HSPA12A: variants seen among roughly 807,000 people sequenced by gnomAD.
HSPA12A encodes the protein heat shock protein family A (Hsp70) member 12A.
HSPA12A carries 28 observed loss-of-function variants against 69.2 expected under a neutral mutation model. The observed-to-expected ratio is 0.40, with a 90% confidence interval of 0.30 to 0.55. The LOEUF is 0.55. HSPA12A is among the 20% of genes least tolerant of loss of function. The probability of loss-of-function intolerance (pLI) is 0.38; values close to 1 mark genes in which losing one functional copy is unlikely to be tolerated. For missense variants in HSPA12A, 686 were observed against 900.7 expected (o/e 0.76, Z 3.05); for synonymous variants, 345 against 370.5 (o/e 0.93, Z 0.79).
At chr10:116,784,895 C>T (rs7076899) in intron 2 of HSPA12A, among the ~76,000 whole-genome samples, 2,978 of 152,288 alleles carry the variant, frequency 0.02, 85 homozygotes, top group African/African-American at 0.066. Flanking sequence ...ATGCTGAGGG[C>T]ACGTGTCTAC....
chr10:116,805,323 C>A (rs1171468123), intron 2 of HSPA12A, among the ~76,000 whole-genome samples: 1 of 152,048 alleles, frequency 6.6e-6, no homozygotes, highest in South Asian at 2.1e-4. Context: ...CGCAAAAAAA[C>A]AAAAACTGCA....
intron 1 of HSPA12A, among the ~76,000 whole-genome samples, chr10:116,838,471 C>G (rs1454594955): frequency 2.0e-5 from 3 of 152,174 alleles, no homozygotes; most frequent in Non-Finnish European, 1.5e-5. Flanking sequence ...AAGCCAAACA[C>G]ACACATCATC....
At chr10:116,740,637 CGTGTGTGTGTGTGT>C (rs60427815) in intron 1 of HSPA12A, among the ~76,000 whole-genome samples, 3 of 137,680 alleles carry the variant, frequency 2.2e-5, no homozygotes, top group Admixed American at 7.2e-5. Flanking sequence ...CTCCCAGCAC[CGTGTGTGTGTGTGT>C]GTGTGTGTGT....
intron 2 of HSPA12A, among the ~76,000 whole-genome samples, chr10:116,768,761 T>C (rs559725021): frequency 6.6e-5 from 10 of 152,256 alleles, no homozygotes; most frequent in African/African-American, 2.4e-4. Flanking sequence ...CACCTCAGCC[T>C]CCCTAAGTGC....
rs57430307 is a variant in HSPA12A at position 116,787,016 on chromosome 10, ACG to A, written c.91+47917_91+47918del. Among the ~76,000 whole-genome samples, 427 of 150,886 alleles carry A rather than the reference ACG, an allele frequency of 2.8e-3. 3 individuals are homozygous for A. The highest frequency in any genetic ancestry group is 9.2e-3 in the African/African-American group (379 of 41,012). ...CACACACACACACACACATACACACACGCACGCACTCACACACACACGGTCAG... is the reference window on the plus strand; with the variant it reads ...CACACACACACACACACATACACACACACGCACTCACACACACACGGTCAG... On this transcript the variant is annotated intron_variant, in intron 2 of 12. Transcript: ENST00000635765.
At chr10:116,829,702 G>A (rs1315760707) in intron 2 of HSPA12A, 1 of 152,138 alleles carries the variant, frequency 6.6e-6, no homozygotes, top group Non-Finnish European at 1.5e-5. Context: ...AAATAAATGT[G>A]ACTCACTCAA....
intron 2 of HSPA12A, 31 bp downstream of exon 2, chr10:116,707,151 GCGCACACACACACACACA>G (rs1850279211): frequency 2.8e-5 from 29 of 1,018,742 alleles, no homozygotes; most frequent in East Asian, 4.5e-5. Flanking sequence ...GCACCCATGC[GCGCACACACACACACACA>G]CACACACACA....
In HSPA12A at chr10:116,686,882, CT is replaced by C. The variant is rs1247523103; in HGVS notation, c.664-2921del. On this transcript the variant is annotated intron_variant, in intron 6 of 11. Coordinates refer to ENST00000369209, the MANE Select transcript of HSPA12A (RefSeq NM_025015.3). The surrounding 1 kb of genome is among the most constrained non-coding windows in gnomAD (Gnocchi z 4.1). ...TCTTCCCACACCATAAGCTCCGCCC[CT>C]CATCCCTCTTCCCACACTGTAAGCT... 6.6e-6 allele frequency among the ~76,000 whole-genome samples: 1 copy of C among 152,018 alleles called. No individual in the cohort carries two copies. The highest frequency in any genetic ancestry group is 1.5e-5 in the Non-Finnish European group (1 of 68,002).
chr10:116,837,485 T>A lies in HSPA12A; in HGVS notation c.4-2463A>T, dbSNP rs1457421112. Among the ~76,000 whole-genome samples the A allele has an allele frequency of 2.6e-5, 4 of 152,114 alleles. No homozygotes were observed. In the East Asian group the frequency reaches 7.7e-4, roughly 29 times the overall value. On this transcript the variant is annotated intron_variant, in intron 1 of 12. Coordinates refer to the HSPA12A transcript ENST00000635765. ...TTATAAAAAGGCAAAAACATCTGCCTACTTACTGACAAAGAGCACAGAGAA... is the reference window on the plus strand; with the variant it reads ...TTATAAAAAGGCAAAAACATCTGCCAACTTACTGACAAAGAGCACAGAGAA...
At position 116,675,201 on chromosome 10, in the gene HSPA12A, G is replaced by A; in HGVS notation, c.1608C>T (p.Thr536=). The change falls in exon 12 of 12, where the codon ACC becomes ACT. Residue 536 remains threonine (T), a synonymous_variant. Coordinates refer to ENST00000369209, the MANE Select transcript of HSPA12A (RefSeq NM_025015.3). This position sits in a 1 kb window ranked among gnomAD's most constrained non-coding sequence, Gnocchi z 5.2. ...AVIKVRRSPL[T]YGVGVLNRYV... Reference sequence around the variant, plus strand: ...AGCGGTTCAGCACGCCTACCCCGTAGGTGAGCGGCGACCGGCGCACCTTGA... The same window carrying A: ...AGCGGTTCAGCACGCCTACCCCGTAAGTGAGCGGCGACCGGCGCACCTTGA... The A allele has an allele frequency of 1.2e-6, 2 of 1,613,750 alleles. No individual in the cohort carries two copies. The highest frequency in any genetic ancestry group is 8.5e-7 in the Non-Finnish European group (1 of 1,180,026).
At chr10:116,846,779 T>C (rs898120736) in intron 1 of HSPA12A, among the ~76,000 whole-genome samples, 1 of 152,188 alleles carries the variant, frequency 6.6e-6, no homozygotes, top group Non-Finnish European at 1.5e-5. Context: ...ACAATTAACA[T>C]GCTGATGTAT....
rs782273701 is a variant in HSPA12A, at chr10:116,675,138, C to T, written c.1671G>A (p.Val557=). Reference sequence around the variant, plus strand: ...CGGTGCACCACCGAGTGCCATCCTTCACCAGCAGCTTCTCAGGCGGGTGCT... The same window carrying T: ...CGGTGCACCACCGAGTGCCATCCTTTACCAGCAGCTTCTCAGGCGGGTGCT... ...EGKHPPEKLL[V]KDGTRWCTDV... Residue 557 remains valine, a synonymous_variant, in exon 12 of 12, where the codon GTG becomes GTA. Transcript: ENST00000369209. The surrounding 1 kb of genome is among the most constrained non-coding windows in gnomAD (Gnocchi z 5.2). The T allele has an allele frequency of 1.9e-6, 3 of 1,613,952 alleles. No individual in the cohort carries two copies. Among genetic ancestry groups the T allele is most frequent in the Non-Finnish European group, 1.7e-6 (2 of 1,180,052 alleles).
At chr10:116,772,877 T>C (rs1294107521) in intron 2 of HSPA12A, among the ~76,000 whole-genome samples, 9 of 151,924 alleles carry the variant, frequency 5.9e-5, no homozygotes, top group Admixed American at 2.6e-4. Context: ...ATTATTATTA[T>C]TATTTGTAAA....
At chr10:116,845,278 G>A (rs542236393) in intron 1 of HSPA12A, among the ~76,000 whole-genome samples, 3 of 152,250 alleles carry the variant, frequency 2.0e-5, no homozygotes, top group African/African-American at 7.2e-5. Flanking sequence ...CATTGAGGGA[G>A]GGGCTGAATT....
chr10:116,750,310 T>G, intron 2 of HSPA12A: 2 of 774,108 alleles, frequency 2.6e-6, no homozygotes, highest in Non-Finnish European at 4.6e-6. Context: ...GCACTTATGG[T>G]CAGCCTGGTG....
rs375255169 is a variant in HSPA12A at position 116,675,052 on chromosome 10, C to T, written c.1757G>A (p.Arg586His). ...QSVALGELVK[R>H]SYTPAKPSQL... ...GGAGGGCTTGGCCGGGGTGTAGCTA[C>T]GCTTGACCAGCTCACCCAGAGCCAC... The change falls in exon 12 of 12, where the codon CGT becomes CAT. Residue 586 changes from arginine to histidine, a missense_variant. Physicochemically the swap from Arg to His is conservative, Grantham distance 29 (BLOSUM62 0). Transcript: ENST00000369209. This position sits in a 1 kb window ranked among gnomAD's most constrained non-coding sequence, Gnocchi z 5.2. The T allele has an allele frequency of 6.1e-5, 99 of 1,613,830 alleles. No homozygotes were observed. In the East Asian group the frequency reaches 1.0e-3, roughly 17 times the overall value.
intron 2 of HSPA12A, among the ~76,000 whole-genome samples, chr10:116,800,673 TG>T (rs1158949157): frequency 1.3e-5 from 2 of 152,090 alleles, no homozygotes; most frequent in African/African-American, 4.8e-5. Flanking sequence ...CTGGAAAAAA[TG>T]GGGTCCTTTA....
At chr10:116,771,803 A>AGG (rs3034016) in intron 2 of HSPA12A, among the ~76,000 whole-genome samples, 89,853 of 151,840 alleles carry the variant, frequency 0.59, 27,341 homozygotes, top group African/African-American at 0.74. Flanking sequence ...GACAATGGTG[A>AGG]GAGTGCACCC....
intron 2 of HSPA12A, among the ~76,000 whole-genome samples, chr10:116,823,235 A>G (rs1369362323): frequency 6.6e-6 from 1 of 152,248 alleles, no homozygotes; most frequent in Non-Finnish European, 1.5e-5. Context: ...AATATTTAGG[A>G]ATGCATTTAA....
Sources: gnomAD v4.1 joint callset for allele counts (sites outside exome capture counted in the v4.1 genomes callset) on GRCh38, gnomAD v4.1.1 for gene constraint, Gnocchi (gnomAD v3.1) non-coding constraint, MANE v1.5 for transcripts, NCBI Gene and HGNC (gene_info 2026-07-23, HGNC 2026-07-21) for gene names.